SLX4: variants seen among roughly 807,000 people sequenced by gnomAD.
The protein encoded by SLX4 is structure-specific endonuclease subunit SLX4.
A neutral mutation model predicts 146.2 loss-of-function variants in SLX4; 112 were observed. That is an observed-to-expected ratio of 0.77 (90% CI 0.66 to 0.90). SLX4 has a LOEUF of 0.90. SLX4 is among the 40% of genes least tolerant of loss of function. The probability of loss-of-function intolerance (pLI) is 0.00; values close to 1 mark genes in which losing one functional copy is unlikely to be tolerated. For synonymous variants in SLX4, 1,061 were observed against 997.7 expected (o/e 1.06, Z -1.20); for missense variants, 2,563 against 2,392.7 (o/e 1.07, Z -1.49).
At position 3,582,390 on chromosome 16, in the gene SLX4, C is replaced by G; in HGVS notation, c.5457G>C (p.Gln1819His). The change falls in exon 15 of 15, where the codon CAG becomes CAC. Residue 1819 changes from glutamine (Q) to histidine (H), a missense_variant. Gln to His is a conservative substitution (Grantham distance 24). Transcript: ENST00000294008. ...TGCCCCGAGGCTGCCGCCTCCTGCC[C>G]TGGAGCTTCTCCCTGCGGGTGGCGG... Reference protein sequence around the residue: ...TTAATRREKLQGRRRQPRGKK... With the variant: ...TTAATRREKLHGRRRQPRGKK... 1.2e-6 allele frequency: 2 copies of G among 1,613,878 alleles called. No homozygotes were observed. Among genetic ancestry groups the G allele is most frequent in the Non-Finnish European group, 1.7e-6 (2 of 1,180,036 alleles).
Position 3,590,393 on chromosome 16 carries a change from T to C in SLX4, c.3245A>G (p.Gln1082Arg), listed in dbSNP as rs368657696. The change falls in exon 12 of 15, where the codon CAG becomes CGG. Residue 1082 changes from glutamine to arginine, a missense_variant. Physicochemically the swap from Gln to Arg is conservative, Grantham distance 43 (BLOSUM62 1). Transcript: ENST00000294008. The surrounding 1 kb of genome is among the most constrained non-coding windows in gnomAD (Gnocchi z 4.8). ...CGTGAGGATGCTCCTGTCCCTTTTC[T>C]GCTTTGATGGCACAGCTGGAGACAG... ...TLLSPAVPSK[Q>R]KRDRSILTLS... is the part of the protein sequence containing the mutation. The C allele has an allele frequency of 6.0e-4, 968 of 1,614,242 alleles. 12 individuals carry two copies. In the South Asian group the frequency reaches 9.9e-3, roughly 16 times the overall value.
chr16:3,592,727 T>C lies in SLX4; in HGVS notation c.2299A>G (p.Ser767Gly). Residue 767 changes from serine to glycine, a missense_variant, in exon 11 of 15, where the codon AGC becomes GGC. Physicochemically the swap from Ser to Gly is moderately conservative, Grantham distance 56 (BLOSUM62 0). Coordinates refer to ENST00000294008, the MANE Select transcript of SLX4 (RefSeq NM_032444.4). ...TGGGCCAGGGAGCTCAGCTCAGAGCTAAGGCCAGGAGGAAGGCCAGTGTCC... is the reference window on the plus strand; with the variant it reads ...TGGGCCAGGGAGCTCAGCTCAGAGCCAAGGCCAGGAGGAAGGCCAGTGTCC... The part of the protein sequence containing the change: ...TADTGLPPGL[S>G]SELSSLAHRF... 6.8e-6 allele frequency: 11 copies of C among 1,613,334 alleles called. No individual in the cohort carries two copies. Among genetic ancestry groups the C allele is most frequent in the Non-Finnish European group, 9.3e-6 (11 of 1,179,986 alleles).
chr16:3,602,737 C>G (rs2040741702), intron 3 of SLX4, among the ~76,000 whole-genome samples: 1 of 152,174 alleles, frequency 6.6e-6, no homozygotes, highest in African/African-American at 2.4e-5. Context: ...TCCAACAAAG[C>G]TAGATGTTCT....
chr16:3,594,546 G>T lies in SLX4; in HGVS notation c.2067C>A (p.His689Gln). ...ADFGAMVNNP[H>Q]LSDVQFQTDS... ...CCGTCTGAAACTGGACATCACTCAG[G>T]TGTGGGTTATTGACCATGGCGCCAA... The change falls in exon 10 of 15, where the codon CAC becomes CAA. Residue 689 changes from histidine (H) to glutamine (Q), a missense_variant. Coordinates refer to ENST00000294008, the MANE Select transcript of SLX4 (RefSeq NM_032444.4). 1 of 1,614,124 alleles carries T rather than the reference G, an allele frequency of 6.2e-7. No homozygotes were observed. Among genetic ancestry groups the T allele is most frequent in the Non-Finnish European group, 8.5e-7 (1 of 1,180,024 alleles).
intron 12 of SLX4, among the ~76,000 whole-genome samples, chr16:3,587,731 A>ACGGG (rs1371413942): frequency 6.6e-6 from 1 of 151,960 alleles, no homozygotes; most frequent in African/African-American, 2.4e-5. Context: ...AGGCTGGGCC[A>ACGGG]CGGGCGTGCT....
At chr16:3,601,827 A>G (rs968551636) in intron 4 of SLX4, 7 of 410,036 alleles carry the variant, frequency 1.7e-5, no homozygotes, top group South Asian at 9.2e-5. Context: ...GTGGCTGCCA[A>G]TGGGTGTGGG....
intron 8 of SLX4, 56 bp downstream of exon 8, chr16:3,596,097 G>C (rs921797412): frequency 5.2e-6 from 8 of 1,529,992 alleles, no homozygotes; most frequent in Non-Finnish European, 7.0e-6. Context: ...CTCAGCCGCG[G>C]GGAGGGGAGG....
At chr16:3,586,382 A>G (rs151189507) in intron 12 of SLX4, among the ~76,000 whole-genome samples, 3,266 of 151,978 alleles carry the variant, frequency 0.021, 120 homozygotes, top group African/African-American at 0.068. Flanking sequence ...TTAGCTGGGC[A>G]TGGTGGCAGC....
At chr16:3,606,058 G>A (rs746481556) in intron 3 of SLX4, among the ~76,000 whole-genome samples, 3 of 151,562 alleles carry the variant, frequency 2.0e-5, no homozygotes, top group Non-Finnish European at 4.4e-5. Flanking sequence ...TCAGGAGTTC[G>A]AGACCAGCCT....
At chr16:3,583,007 T>G in intron 14 of SLX4, 90 bp downstream of exon 14, 2 of 1,503,710 alleles carry the variant, frequency 1.3e-6, no homozygotes, top group Non-Finnish European at 1.9e-6. Flanking sequence ...TTTTTGAAGA[T>G]TGGCCATTAG....
chr16:3,596,454 G>T lies in SLX4; in HGVS notation c.1684-61C>A, dbSNP rs980413739. On this transcript the variant is annotated intron_variant, in intron 7 of 14. Transcript: ENST00000294008. ...CACTGTCATTGACGCACACACTGCA[G>T]AAGCCATCACATGTGGTATGCACGG... 3.3e-6 allele frequency: 5 copies of T among 1,522,242 alleles called. No individual in the cohort carries two copies. In the African/African-American group the frequency reaches 6.8e-5, roughly 21 times the overall value. 94.3% of individuals were successfully genotyped at this position (1,522,242 alleles called of 1,614,324 possible). A position where few individuals can be genotyped will look rare whatever the true frequency, so the allele number is the denominator to read the frequency against.
intron 3 of SLX4, among the ~76,000 whole-genome samples, chr16:3,606,085 C>T (rs776242648): frequency 1.3e-5 from 2 of 151,692 alleles, no homozygotes; most frequent in Non-Finnish European, 2.9e-5. Context: ...CTTGGCGAAA[C>T]CCTGTCTCTA....
In SLX4 at chr16:3,581,717, C is replaced by T. The variant is rs997317901; in HGVS notation, c.*625G>A. On this transcript the variant is annotated 3_prime_UTR_variant, in exon 15 of 15. Transcript: ENST00000294008. ...GCCAGCTGGTGATGGCCCACTGCCC[C>T]CTGGGACAGCTGAGGGCCCTCTTGG... 6.4e-6 allele frequency: 1 copy of T among 157,080 alleles called. No homozygotes were observed. Among genetic ancestry groups the T allele is most frequent in the African/African-American group, 2.4e-5 (1 of 41,572 alleles). The allele number at this position is 157,080 out of a possible 1,614,324, so 9.7% of individuals were successfully genotyped here.
chr16:3,588,934 C>T lies in SLX4; in HGVS notation c.4636+68G>A, dbSNP rs2040539156. ...GCAGCCCCTGGGTCTCATGACTGAT[C>T]TTCCCACCCTCTTAGTGTAAAATAG... On this transcript the variant is annotated intron_variant, in intron 12 of 14. Transcript: ENST00000294008. 5 of 1,601,326 alleles carry T rather than the reference C, an allele frequency of 3.1e-6. No homozygotes were observed. The South Asian group carries it at 5.5e-5, about 18-fold the overall frequency.
chr16:3,590,986 A>G lies in SLX4; in HGVS notation c.2652T>C (p.Ser884=). The G allele has an allele frequency of 1.9e-6, 3 of 1,614,124 alleles. No individual in the cohort carries two copies. The highest frequency in any genetic ancestry group is 2.2e-5 in the East Asian group (1 of 44,874). ...CTGCTAGGAGTTGCCCAGAAACCGG[A>G]CTGCCACCCTCCAGCCAGTCAGCGT... is the stretch of plus-strand genomic sequence containing the variant. The part of the protein sequence containing the change: ...GEDADWLEGG[S]PVSGQLLAGV... The change falls in exon 12 of 15, where the codon AGT becomes AGC. Residue 884 remains serine (S), a synonymous_variant. Transcript: ENST00000294008. This position sits in a 1 kb window ranked among gnomAD's most constrained non-coding sequence, Gnocchi z 4.8.
chr16:3,595,513 G>C lies in SLX4; in HGVS notation c.2013+92C>G, dbSNP rs2040641233. ...TTGAGAGGCCACTGCACTTGCGTTG[G>C]GGGCCAGAGGCCAGCGGTGAGCCAA... On this transcript the variant is annotated intron_variant, in intron 9 of 14. Coordinates refer to ENST00000294008, the MANE Select transcript of SLX4 (RefSeq NM_032444.4). 2.8e-6 allele frequency: 4 copies of C among 1,422,544 alleles called. No individual in the cohort carries two copies. In the Admixed American group the frequency reaches 6.8e-5, roughly 24 times the overall value. The allele number at this position is 1,422,544 out of a possible 1,614,324, so 88.1% of individuals were successfully genotyped here.
At chr16:3,586,928 G>A (rs144608270) in intron 12 of SLX4, among the ~76,000 whole-genome samples, 2,338 of 152,202 alleles carry the variant, frequency 0.015, 33 homozygotes, top group South Asian at 0.026. Context: ...GACACAAAAG[G>A]CCACATATTA....
In SLX4 at chr16:3,594,474, T is replaced by C. The variant is rs2151128422; in HGVS notation, c.2139A>G (p.Arg713=). The change falls in exon 10 of 15, where the codon CGA becomes CGG. Residue 713 remains arginine, a synonymous_variant. Coordinates refer to ENST00000294008, the MANE Select transcript of SLX4 (RefSeq NM_032444.4). ...TTACATACTGGATGAGGAGCGGGCA[T>C]CGGGCATAAAGCACGAACTTGTGGG... ...LYAHKFVLYA[R]CPLLIQYVNN... 2 of 1,613,796 alleles carry C rather than the reference T, an allele frequency of 1.2e-6. No homozygotes were observed. Among genetic ancestry groups the C allele is most frequent in the Non-Finnish European group, 1.7e-6 (2 of 1,179,930 alleles).
rs2040554159 is a variant in SLX4, at chr16:3,589,602, G to A, written c.4036C>T (p.Pro1346Ser). ...RRQGHRSPSRPHPGGHPHSSP... is the reference protein window; with the variant it reads ...RRQGHRSPSRSHPGGHPHSSP... The stretch of plus-strand genomic sequence containing the variant: ...GAGTGCGGGTGGCCCCCGGGGTGGG[G>A]ACGGGAAGGGCTTCTGTGGCCTTGC... The change falls in exon 12 of 15, where the codon CCC becomes TCC. Residue 1346 changes from proline (P) to serine (S), a missense_variant. Transcript: ENST00000294008. The surrounding 1 kb of genome is among the most constrained non-coding windows in gnomAD (Gnocchi z 6.2). The A allele has an allele frequency of 6.2e-7, 1 of 1,613,822 alleles. No homozygotes were observed.
Sources: allele counts gnomAD v4.1 joint callset (sites outside exome capture counted in the v4.1 genomes callset), GRCh38; gene constraint gnomAD v4.1.1; non-coding constraint Gnocchi (gnomAD v3.1); transcripts MANE v1.5; gene names NCBI Gene and HGNC (gene_info 2026-07-23, HGNC 2026-07-21).